LRP1B: variants seen among roughly 807,000 people sequenced by gnomAD.
The protein encoded by LRP1B is LDL receptor related protein 1B.
Under a neutral mutation model 556.6 loss-of-function variants are expected in LRP1B, and 217 were observed. The observed-to-expected ratio is 0.39, with a 90% CI of 0.35 to 0.44. LRP1B has a LOEUF of 0.44. Ranked by LOEUF, LRP1B falls within the 20% of genes least tolerant of loss-of-function variation. The pLI is 1.00. For missense variants in LRP1B, 5,053 were observed against 5,620.8 expected (o/e 0.90, Z 3.23); for synonymous variants, 2,047 against 1,865.8 (o/e 1.10, Z -2.50).
intron 2 of LRP1B, among the ~76,000 whole-genome samples, chr2:141,691,724 GT>G (rs1477648652): frequency 1.3e-5 from 2 of 151,632 alleles, no homozygotes; most frequent in Admixed American, 6.6e-5. Context: ...TCCAATTTTT[GT>G]TTATTTGTTT....
intron 3 of LRP1B, among the ~76,000 whole-genome samples, chr2:141,413,618 A>G (rs1333705967): frequency 1.3e-5 from 2 of 152,174 alleles, no homozygotes; most frequent in Non-Finnish European, 2.9e-5. Flanking sequence ...GCAATAGAAA[A>G]CATGCAGGAT....
intron 41 of LRP1B, among the ~76,000 whole-genome samples, chr2:140,639,579 A>G (rs1684199887): frequency 6.6e-6 from 1 of 152,164 alleles, no homozygotes; most frequent in Admixed American, 6.5e-5. Context: ...CTGCATTTTT[A>G]AATTTATGCA....
intron 2 of LRP1B, among the ~76,000 whole-genome samples, chr2:141,532,210 G>A (rs181948759): frequency 1.3e-5 from 2 of 151,936 alleles, no homozygotes; most frequent in Admixed American, 6.6e-5. Context: ...AAGAACATCT[G>A]TTCAGAAATG....
chr2:141,388,944 G>A (rs1028241886), intron 3 of LRP1B, among the ~76,000 whole-genome samples: 4 of 152,094 alleles, frequency 2.6e-5, no homozygotes, highest in Admixed American at 6.5e-5. Context: ...TAGCCAAGGA[G>A]ATGAAAGACT....
At chr2:141,124,680 A>AG in intron 7 of LRP1B, among the ~76,000 whole-genome samples, 1 of 150,872 alleles carries the variant, frequency 6.6e-6, no homozygotes. Context: ...AAAAAAAAAA[A>AG]GAAAAAAATA....
intron 3 of LRP1B, among the ~76,000 whole-genome samples, chr2:141,462,447 A>C (rs894798767): frequency 6.6e-6 from 1 of 151,872 alleles, no homozygotes; most frequent in African/African-American, 2.4e-5. Flanking sequence ...GAACAGTGAA[A>C]ACACATGGAC....
intron 7 of LRP1B, among the ~76,000 whole-genome samples, chr2:141,082,157 G>A (rs1699939220): frequency 6.6e-6 from 1 of 152,056 alleles, no homozygotes; most frequent in African/African-American, 2.4e-5. Context: ...ATAAATAATT[G>A]AAAAGAAATA....
At chr2:141,714,051 A>T (rs376560305) in intron 2 of LRP1B, among the ~76,000 whole-genome samples, 63 of 152,288 alleles carry the variant, frequency 4.1e-4, no homozygotes, top group African/African-American at 1.5e-3. Flanking sequence ...CTTTATGTTT[A>T]TTCCAGTATC....
intron 2 of LRP1B, among the ~76,000 whole-genome samples, chr2:141,658,950 C>A (rs1690112977): frequency 6.6e-6 from 1 of 152,128 alleles, no homozygotes; most frequent in Admixed American, 6.5e-5. Flanking sequence ...GTTGCTCAGG[C>A]TGGAATGCAG....
chr2:140,883,486 A>G (rs929510194), intron 25 of LRP1B, among the ~76,000 whole-genome samples: 3 of 152,046 alleles, frequency 2.0e-5, no homozygotes, highest in Non-Finnish European at 4.4e-5. Flanking sequence ...GGCAGGGCAA[A>G]GAGAAATTCA....
chr2:141,506,724 G>A (rs1683946871), intron 2 of LRP1B, among the ~76,000 whole-genome samples: 1 of 151,756 alleles, frequency 6.6e-6, no homozygotes, highest in African/African-American at 2.4e-5. Context: ...CTTTTGGACG[G>A]CTATATACAA....
chr2:142,061,111 T>A (rs1222413332), intron 1 of LRP1B, among the ~76,000 whole-genome samples: 1 of 152,038 alleles, frequency 6.6e-6, no homozygotes, highest in Admixed American at 6.6e-5. Context: ...TCATTATTAA[T>A]TCCTCTTACA....
At chr2:140,450,470 G>C (rs1573953339) in intron 63 of LRP1B, 98 bp downstream of exon 63, 1 of 896,750 alleles carries the variant, frequency 1.1e-6, no homozygotes, top group East Asian at 2.5e-5. Context: ...TTTTGGAAAA[G>C]TGTCAGAAGG....
chr2:140,774,480 A>G (rs1689422507), intron 33 of LRP1B, among the ~76,000 whole-genome samples: 1 of 152,164 alleles, frequency 6.6e-6, no homozygotes, highest in East Asian at 1.9e-4. Context: ...TTTACAGCTT[A>G]AAACAAAGCA....
intron 72 of LRP1B, among the ~76,000 whole-genome samples, chr2:140,359,246 T>C (rs1682393114): frequency 6.6e-6 from 1 of 151,654 alleles, no homozygotes; most frequent in South Asian, 2.1e-4. Flanking sequence ...AATTAATTTA[T>C]GCCTACAATT....
rs1190903131 is a variant in LRP1B at position 140,488,917 on chromosome 2, G to T, written c.9121-1178C>A. 3.9e-5 allele frequency among the ~76,000 whole-genome samples: 6 copies of T among 152,036 alleles called. No individual in the cohort carries two copies. In the East Asian group the frequency reaches 9.7e-4, roughly 25 times the overall value. ...CTTGGTTGCCGGGAGGAGGGAGAAA[G>T]AGGAAAGTAAATCTCAGGTCTGAGT... On this transcript the variant is annotated intron_variant, in intron 57 of 90. Coordinates refer to ENST00000389484, the MANE Select transcript of LRP1B (RefSeq NM_018557.3).
intron 35 of LRP1B, among the ~76,000 whole-genome samples, chr2:140,738,526 C>G (rs983675683): frequency 6.6e-6 from 1 of 152,150 alleles, no homozygotes; most frequent in Non-Finnish European, 1.5e-5. Flanking sequence ...CACATTGTCC[C>G]CCGCCAAAGA....
At chr2:141,290,681 T>C (rs1043027497) in intron 3 of LRP1B, among the ~76,000 whole-genome samples, 9 of 152,034 alleles carry the variant, frequency 5.9e-5, no homozygotes. Flanking sequence ...AATGGTTCAG[T>C]AGGAAACAAA....
rs751695677 is a variant in LRP1B, at chr2:140,902,913, T to C, written c.3766+7A>G. On this transcript the variant is annotated splice_region_variant and intron_variant, in intron 23 of 90. Transcript: ENST00000389484. Reference sequence around the variant, plus strand: ...AATATAGCAACACACACAAAATAGTTACTTACCAACACTTGTACAACTTTC... The same window carrying C: ...AATATAGCAACACACACAAAATAGTCACTTACCAACACTTGTACAACTTTC... 9 of 1,611,620 alleles carry C rather than the reference T, an allele frequency of 5.6e-6. No individual in the cohort carries two copies. In the South Asian group the frequency reaches 6.6e-5, roughly 12 times the overall value.
Sources: gnomAD v4.1 joint callset for allele counts (sites outside exome capture counted in the v4.1 genomes callset) on GRCh38, gnomAD v4.1.1 for gene constraint, MANE v1.5 for transcripts, NCBI Gene and HGNC (gene_info 2026-07-23, HGNC 2026-07-21) for gene names.